SHANK2: variants seen among roughly 807,000 people sequenced by gnomAD.
The protein encoded by SHANK2 is SH3 and multiple ankyrin repeat domains protein 2.
Under a neutral mutation model 133.7 loss-of-function variants are expected in SHANK2, and 43 were observed. That is an observed-to-expected ratio of 0.32 (90% CI 0.25 to 0.41). SHANK2 has a LOEUF of 0.41. Ranked by LOEUF, SHANK2 falls within the 10% of genes least tolerant of loss-of-function variation. The pLI, the probability that SHANK2 is intolerant of heterozygous loss-of-function variation, is 1.00. For synonymous variants in SHANK2, 1,017 were observed against 952.8 expected, an observed-to-expected ratio of 1.07 and a Z score of -1.24; for missense variants, 1,994 against 2,235.8, an observed-to-expected ratio of 0.89 and a Z score of 2.18.
intron 2 of SHANK2, among the ~76,000 whole-genome samples, chr11:71,191,917 G>T (rs987874455): frequency 1.3e-5 from 2 of 151,902 alleles, no homozygotes; most frequent in Non-Finnish European, 2.9e-5. Context: ...CTGGAGTGCA[G>T]TGACGTGATC....
intron 17 of SHANK2, among the ~76,000 whole-genome samples, chr11:70,626,001 C>T (rs1380998533): frequency 1.3e-5 from 2 of 152,042 alleles, no homozygotes; most frequent in Non-Finnish European, 2.9e-5. Context: ...GGGCTGCAGG[C>T]CTCTGGGGCC....
chr11:70,741,268 C>CATCT (rs1387453162), intron 14 of SHANK2, among the ~76,000 whole-genome samples: 26 of 151,776 alleles, frequency 1.7e-4, no homozygotes, highest in Non-Finnish European at 3.4e-4. Flanking sequence ...TCCATCCATC[C>CATCT]ATCCATCCAT....
intron 11 of SHANK2, among the ~76,000 whole-genome samples, chr11:70,858,568 T>G (rs964973487): frequency 3.3e-5 from 5 of 152,236 alleles, no homozygotes; most frequent in African/African-American, 1.2e-4. Context: ...AGCCTTCCAG[T>G]GTGAGCCCTG....
intron 14 of SHANK2, among the ~76,000 whole-genome samples, chr11:70,760,866 G>A (rs1441315246): frequency 1.3e-5 from 2 of 152,218 alleles, no homozygotes; most frequent in African/African-American, 2.4e-5. Flanking sequence ...GACCTGTGGG[G>A]CAGAGGCTGG....
chr11:70,815,177 C>CACACAA (rs869114837), intron 12 of SHANK2, among the ~76,000 whole-genome samples: 1 of 1,590 alleles, frequency 6.3e-4, no homozygotes, highest in Non-Finnish European at 1.4e-3. Context: ...GGAGAAGAAA[C>CACACAA]ACACACACAC....
At chr11:71,068,713 C>G (rs1396880735) in intron 9 of SHANK2, among the ~76,000 whole-genome samples, 2 of 152,232 alleles carry the variant, frequency 1.3e-5, no homozygotes, top group Non-Finnish European at 2.9e-5. Context: ...AGCCTGGCAG[C>G]TGTACTATTC....
chr11:70,488,722 G>C (rs2058846590), intron 24 of SHANK2, among the ~76,000 whole-genome samples: 2 of 152,258 alleles, frequency 1.3e-5, no homozygotes, highest in African/African-American at 2.4e-5. Flanking sequence ...CAGGGGCTGA[G>C]AGCCCAGTGG....
intron 14 of SHANK2, among the ~76,000 whole-genome samples, chr11:70,748,187 T>G (rs1382868091): frequency 6.6e-6 from 1 of 152,120 alleles, no homozygotes; most frequent in East Asian, 1.9e-4. Flanking sequence ...GCTCTTCCTG[T>G]TCCCAGGAAT....
At chr11:70,512,478 C>T (rs2059216782) in intron 17 of SHANK2, among the ~76,000 whole-genome samples, 1 of 152,160 alleles carries the variant, frequency 6.6e-6, no homozygotes, top group Admixed American at 6.5e-5. Context: ...ACTATGGTTA[C>T]TTCATCTTTT....
At chr11:70,874,658 G>A (rs541740966) in intron 11 of SHANK2, among the ~76,000 whole-genome samples, 8 of 132,220 alleles carry the variant, frequency 6.1e-5, no homozygotes, top group South Asian at 2.4e-4. Flanking sequence ...ATTGAAATCT[G>A]CATATCTGCA....
chr11:70,601,230 C>CT (rs1201197533), intron 17 of SHANK2, among the ~76,000 whole-genome samples: 2 of 115,546 alleles, frequency 1.7e-5, no homozygotes, highest in Non-Finnish European at 1.8e-5. Flanking sequence ...TTTTTTTTTT[C>CT]TTTTTTTTGA....
At chr11:70,717,093 C>G (rs1265247589) in intron 14 of SHANK2, among the ~76,000 whole-genome samples, 1 of 152,218 alleles carries the variant, frequency 6.6e-6, no homozygotes, top group African/African-American at 2.4e-5. Context: ...TTGGTTAAAA[C>G]AACAACGGAA....
intron 3 of SHANK2, among the ~76,000 whole-genome samples, chr11:71,129,395 C>T (rs1288407190): frequency 1.3e-5 from 2 of 152,178 alleles, no homozygotes; most frequent in Non-Finnish European, 1.5e-5. Context: ...TACATCTACA[C>T]CCCTCTTAGT....
intron 2 of SHANK2, among the ~76,000 whole-genome samples, chr11:71,168,767 C>G (rs542772228): frequency 3.3e-5 from 5 of 151,920 alleles, no homozygotes; most frequent in Admixed American, 3.3e-4. Context: ...AGCTTCAGCT[C>G]GGCATCAGAG....
chr11:71,091,991 C>T (rs1031868907), intron 8 of SHANK2, among the ~76,000 whole-genome samples: 1 of 152,228 alleles, frequency 6.6e-6, no homozygotes, highest in Non-Finnish European at 1.5e-5. Flanking sequence ...CTGAAAAACA[C>T]GCCCCTCGTG....
chr11:70,880,281 C>G (rs1229385606), intron 11 of SHANK2, among the ~76,000 whole-genome samples: 2 of 152,186 alleles, frequency 1.3e-5, no homozygotes, highest in African/African-American at 4.8e-5. Flanking sequence ...GGCAGGTGCA[C>G]TAATCGGGCA....
intron 10 of SHANK2, chr11:70,949,969 G>A (rs1950808899): frequency 2.3e-6 from 1 of 433,516 alleles, no homozygotes; most frequent in African/African-American, 2.0e-5. Context: ...CAAGGAGCCG[G>A]TAGGTGCGGT....
intron 9 of SHANK2, 120 bp from the exon 10 acceptor site, chr11:71,056,678 G>A (rs1379623635): frequency 1.3e-5 from 2 of 152,130 alleles, no homozygotes; most frequent in Non-Finnish European, 1.5e-5. Context: ...CAGTTAAAAG[G>A]GAAAGCATGT....
At chr11:71,094,035 G>A (rs540877202) in intron 7 of SHANK2, among the ~76,000 whole-genome samples, 1 of 152,190 alleles carries the variant, frequency 6.6e-6, no homozygotes, top group East Asian at 1.9e-4. Flanking sequence ...AGGCTCCCAC[G>A]GACCCGCCAC....
Sources: allele counts gnomAD v4.1 joint callset (sites outside exome capture counted in the v4.1 genomes callset), GRCh38; gene constraint gnomAD v4.1.1; transcripts MANE v1.5; gene names NCBI Gene and HGNC (gene_info 2026-07-23, HGNC 2026-07-21).